The following CELF2 variants were observed in gnomAD, a reference collection of about 807,000 sequenced individuals.
CELF2 encodes CUGBP Elav-like family member 2.
In CELF2, 8 loss-of-function variants were observed where a neutral mutation model predicts 62.6. The ratio of observed to expected loss-of-function variants is 0.13; its 90% confidence interval spans 0.07 to 0.23. The LOEUF (loss-of-function observed/expected upper bound fraction) is 0.23. CELF2 is among the 10% of genes least tolerant of loss of function. The pLI is 1.00. For missense variants in CELF2, 333 were observed against 671.0 expected, an observed-to-expected ratio of 0.50 and a Z score of 5.56; for synonymous variants, 258 against 250.0, an observed-to-expected ratio of 1.03 and a Z score of -0.30.
At chr10:10,849,084 A>T (rs930180239) in intron 1 of CELF2, among the ~76,000 whole-genome samples, 3 of 152,056 alleles carry the variant, frequency 2.0e-5, no homozygotes, top group Admixed American at 6.6e-5. Flanking sequence ...TTTTTTAATT[A>T]TTTCAAACTT....
chr10:10,665,342 A>T, the CELF2 span, among the ~76,000 whole-genome samples: 1 of 152,200 alleles, frequency 6.6e-6, no homozygotes, highest in Non-Finnish European at 1.5e-5. Flanking sequence ...TTACAAATCC[A>T]TAATATGCAT....
the CELF2 span, among the ~76,000 whole-genome samples, chr10:10,641,379 G>C: frequency 2.0e-5 from 3 of 152,204 alleles, no homozygotes; most frequent in African/African-American, 7.2e-5. Flanking sequence ...ATGGTGTCTA[G>C]AATGTACTAA....
the CELF2 span, among the ~76,000 whole-genome samples, chr10:10,685,161 C>T: frequency 6.6e-6 from 1 of 152,150 alleles, no homozygotes; most frequent in Non-Finnish European, 1.5e-5. Context: ...CTCTGGGAAC[C>T]AGGGGGCCAG....
At chr10:10,749,753 A>C in the CELF2 span, among the ~76,000 whole-genome samples, 1 of 152,236 alleles carries the variant, frequency 6.6e-6, no homozygotes, top group Non-Finnish European at 1.5e-5. Context: ...CAAATTAGTA[A>C]AAATGTTCAT....
chr10:11,118,228 G>A lies in CELF2; in HGVS notation c.75-47258G>A, dbSNP rs974189918. ...ATAAGCAAACCCCATTTGAATGGGT[G>A]TTTATTCTTCATCCTGGTTCTCGGT... On this transcript the variant is annotated intron_variant, in intron 1 of 12. Transcript: ENST00000633077. Among the ~76,000 whole-genome samples the A allele has an allele frequency of 5.6e-4, 85 of 152,052 alleles. 1 individual carries two copies. The highest frequency in any genetic ancestry group is 2.1e-3 in the African/African-American group (85 of 41,396).
intron 2 of CELF2, among the ~76,000 whole-genome samples, chr10:11,185,759 G>C (rs1375318018): frequency 6.6e-6 from 1 of 152,128 alleles, no homozygotes; most frequent in Admixed American, 6.5e-5. Context: ...ATTTTGTTTA[G>C]AATTTTTACA....
chr10:11,257,394 T>C (rs2079132014), intron 4 of CELF2, among the ~76,000 whole-genome samples: 1 of 146,822 alleles, frequency 6.8e-6, no homozygotes, highest in African/African-American at 2.5e-5. Context: ...CCCCAGAGAA[T>C]GGTAGTGTTG....
At chr10:10,587,238 G>A in the CELF2 span, among the ~76,000 whole-genome samples, 2 of 152,152 alleles carry the variant, frequency 1.3e-5, no homozygotes, top group Admixed American at 6.6e-5. Flanking sequence ...AGCCCGCATG[G>A]GGATTTATCA....
rs115574113 is a variant in CELF2 at position 11,316,713 on chromosome 10, A to G, written c.1096+2455A>G. 53 of 152,312 alleles carry G rather than the reference A, an allele frequency of 3.5e-4. No homozygotes were observed. The highest frequency in any genetic ancestry group is 1.3e-3 in the African/African-American group (53 of 41,562). The allele number at this position is 152,312 out of a possible 1,614,324, so 9.4% of individuals were successfully genotyped here. ...CTTACCCACCGACACAGCGGTCAGC[A>G]AGAAAGCAGGTAGATGACTCACCAG... On this transcript the variant is annotated intron_variant, in intron 10 of 12. Coordinates refer to ENST00000633077, the MANE Select transcript of CELF2 (RefSeq NM_001326342.2). The surrounding 1 kb of genome is among the most constrained non-coding windows in gnomAD (Gnocchi z 4.4).
At chr10:11,003,002 G>C (rs1382383112), upstream of CELF2, among the ~76,000 whole-genome samples, 1 of 152,214 alleles carries the variant, frequency 6.6e-6, no homozygotes, top group Non-Finnish European at 1.5e-5. The surrounding 1 kb of genome is among the most constrained non-coding windows in gnomAD (Gnocchi z 4.4). Flanking sequence ...TCCATGTGGA[G>C]TTGGGGAGGT....
chr10:10,689,626 G>A, the CELF2 span, among the ~76,000 whole-genome samples: 4 of 152,188 alleles, frequency 2.6e-5, no homozygotes, highest in Non-Finnish European at 5.9e-5. Flanking sequence ...TTATGACAAC[G>A]AATTTACTCC....
At chr10:10,713,547 A>G in the CELF2 span, among the ~76,000 whole-genome samples, 13 of 152,244 alleles carry the variant, frequency 8.5e-5, no homozygotes, top group Non-Finnish European at 1.6e-4. Flanking sequence ...AATTGCAGAT[A>G]ATCACCTACG....
intron 1 of CELF2, among the ~76,000 whole-genome samples, chr10:11,070,126 T>TAAAAA (rs1283251883): frequency 7.5e-6 from 1 of 133,106 alleles, no homozygotes; most frequent in Admixed American, 7.2e-5. Context: ...ATTCAAAAAG[T>TAAAAA]AAAAAAATAA....
At chr10:10,699,153 G>A in the CELF2 span, among the ~76,000 whole-genome samples, 1 of 151,996 alleles carries the variant, frequency 6.6e-6, no homozygotes, top group Non-Finnish European at 1.5e-5. Flanking sequence ...AGATGTAAAA[G>A]ATGCATTGAA....
the CELF2 span, among the ~76,000 whole-genome samples, chr10:10,524,958 G>C: frequency 1.3e-5 from 2 of 152,134 alleles, no homozygotes; most frequent in South Asian, 4.2e-4. Context: ...TCCTAATGTA[G>C]AGGGTTCTTA....
intron 1 of CELF2, among the ~76,000 whole-genome samples, chr10:11,041,438 C>T (rs1045864125): frequency 1.3e-5 from 2 of 152,178 alleles, no homozygotes; most frequent in African/African-American, 4.8e-5. Context: ...GGTGTCTAAA[C>T]ACACATGCCT....
the CELF2 span, among the ~76,000 whole-genome samples, chr10:10,626,287 A>G: frequency 6.6e-6 from 1 of 152,150 alleles, no homozygotes; most frequent in Non-Finnish European, 1.5e-5. Flanking sequence ...ATTCCTTCGA[A>G]AGGAAAGGGT....
chr10:10,837,259 C>A (rs1380012442), intron 1 of CELF2, among the ~76,000 whole-genome samples: 1 of 152,182 alleles, frequency 6.6e-6, no homozygotes, highest in African/African-American at 2.4e-5. Context: ...CTCATGAGAT[C>A]TAATGATATT....
chr10:10,808,769 T>C (rs960722133), intron 1 of CELF2, among the ~76,000 whole-genome samples: 1 of 152,194 alleles, frequency 6.6e-6, no homozygotes, highest in African/African-American at 2.4e-5. Flanking sequence ...AGGTGCAGAA[T>C]CTTTCTCTCC....
Sources: allele counts gnomAD v4.1 joint callset (sites outside exome capture counted in the v4.1 genomes callset), GRCh38; gene constraint gnomAD v4.1.1; non-coding constraint Gnocchi (gnomAD v3.1); transcripts MANE v1.5; gene names NCBI Gene and HGNC (gene_info 2026-07-23, HGNC 2026-07-21).